The following TMEM223 variants were observed in gnomAD, a reference collection of about 807,000 sequenced individuals.
The protein encoded by TMEM223 is transmembrane protein 223.
Under a neutral mutation model 14.1 loss-of-function variants are expected in TMEM223, and 14 were observed. The ratio of observed to expected loss-of-function variants is 0.99; its 90% confidence interval spans 0.66 to 1.55. TMEM223 has a LOEUF of 1.55. TMEM223 is among the 40% of genes most tolerant of loss of function. The probability of loss-of-function intolerance (pLI) is 0.00; values close to 1 mark genes in which losing one functional copy is unlikely to be tolerated. For missense variants in TMEM223, 346 were observed against 269.9 expected (o/e 1.28, Z -1.97); for synonymous variants, 145 against 120.5 (o/e 1.20, Z -1.33).
chr11:62,787,070 A>G (rs1353150713), downstream of TMEM223: 3 of 1,529,702 alleles, frequency 2.0e-6, no homozygotes, highest in Non-Finnish European at 2.6e-6. Flanking sequence ...GACGTTTTCC[A>G]GAAGAGCCGT....
chr11:62,778,455 C>A, intron 1 of TMEM223: 1 of 1,267,198 alleles, frequency 7.9e-7, no homozygotes, highest in Non-Finnish European at 1.1e-6. Flanking sequence ...CTGCCTTGTG[C>A]CATGGTCTGA....
chr11:62,775,125 A>T (rs1177838897), intron 1 of TMEM223, among the ~76,000 whole-genome samples: 1 of 152,024 alleles, frequency 6.6e-6, no homozygotes, highest in Non-Finnish European at 1.5e-5. Context: ...TAACTGACTC[A>T]ATGCTGGGGA....
chr11:62,789,711 A>G, downstream of TMEM223: 1 of 1,525,982 alleles, frequency 6.6e-7, no homozygotes, highest in Non-Finnish European at 8.8e-7. Flanking sequence ...AAAAACTGAC[A>G]TAAATATCTG....
downstream of TMEM223, chr11:62,786,188 T>C (rs114892877): frequency 1.8e-3 from 2,787 of 1,545,862 alleles, 52 homozygotes; most frequent in African/African-American, 0.034. Flanking sequence ...GGTAGGTCTT[T>C]CATGGGAAAG....
At chr11:62,789,636 C>G, downstream of TMEM223, 1 of 1,551,082 alleles carries the variant, frequency 6.4e-7, no homozygotes, top group East Asian at 2.2e-5. Context: ...TGGACACCCC[C>G]TGGAACTGCT....
At chr11:62,779,865 C>T (rs1361890648) in intron 1 of TMEM223, among the ~76,000 whole-genome samples, 7 of 145,300 alleles carry the variant, frequency 4.8e-5, no homozygotes, top group Non-Finnish European at 1.1e-4. Flanking sequence ...GAGGTTTCAC[C>T]GTGTTGGCCA....
downstream of TMEM223, chr11:62,789,822 T>A (rs2084336979): frequency 6.4e-7 from 1 of 1,574,692 alleles, no homozygotes; most frequent in Non-Finnish European, 8.6e-7. Flanking sequence ...GAGTGGTGTG[T>A]GGGTGGGAAG....
At chr11:62,775,846 G>A (rs369124738) in intron 1 of TMEM223, 274 of 1,613,546 alleles carry the variant, frequency 1.7e-4, no homozygotes, top group Non-Finnish European at 2.2e-4. Context: ...GGCTCATGGC[G>A]GAGAGCACGG....
intron 1 of TMEM223, among the ~76,000 whole-genome samples, chr11:62,780,756 C>T (rs1322426399): frequency 3.4e-5 from 5 of 149,220 alleles, no homozygotes; most frequent in Non-Finnish European, 7.4e-5. Context: ...ATGGTGATTT[C>T]CCGTTGGATA....
chr11:62,781,229 C>G lies in TMEM223; in HGVS notation c.315-6564G>C, dbSNP rs573077930. ...CCAGCCTGGGCGACAGGGCGAGACT[C>G]CATCTCAAAGAAAAAAAAAAAAGAA... On this transcript the variant is annotated intron_variant, in intron 1 of 2. Coordinates refer to the TMEM223 transcript ENST00000528367. 4.3e-4 allele frequency among the ~76,000 whole-genome samples: 63 copies of G among 146,726 alleles called. 1 individual carries two copies. The highest frequency in any genetic ancestry group is 1.5e-3 in the African/African-American group (56 of 37,996).
chr11:62,786,478 C>G (rs1211729351), downstream of TMEM223: 1 of 1,581,220 alleles, frequency 6.3e-7, no homozygotes, highest in Non-Finnish European at 8.6e-7. Flanking sequence ...GCCCAGGTTC[C>G]TCGAATTTTT....
In TMEM223 at chr11:62,790,806, G is replaced by A. The variant is rs1474178459; in HGVS notation, c.426C>T (p.Gly142=). ...QVTLTTHAPF[G]LGAHFTVPLK... is the part of the protein sequence containing the mutation. ...AAGGAACTGTGAAATGGGCCCCCAA[G>A]CCAAAGGGGGCATGAGTGGTGAGGG... The change falls in exon 2 of 2, where the codon GGC becomes GGT. Residue 142 remains glycine, a synonymous_variant. Transcript: ENST00000307366. 1 of 1,606,128 alleles carries A rather than the reference G, an allele frequency of 6.2e-7. No individual in the cohort carries two copies. Among genetic ancestry groups the A allele is most frequent in the Admixed American group, 1.7e-5 (1 of 58,636 alleles).
At chr11:62,789,676 T>C (rs1590944049), downstream of TMEM223, 5 of 1,542,590 alleles carry the variant, frequency 3.2e-6, no homozygotes, top group Non-Finnish European at 4.4e-6. Context: ...TACACAATGC[T>C]GAAGTGAGAC....
At chr11:62,787,278 G>C, downstream of TMEM223, 2 of 1,549,660 alleles carry the variant, frequency 1.3e-6, no homozygotes, top group Non-Finnish European at 1.7e-6. Context: ...CGGACTACTC[G>C]CTGTACTTGC....
At chr11:62,778,900 C>T (rs763706378) in intron 1 of TMEM223, 34 of 1,614,000 alleles carry the variant, frequency 2.1e-5, no homozygotes, top group Non-Finnish European at 2.6e-5. Flanking sequence ...TGACAGATGA[C>T]CTTCTCAAGT....
At chr11:62,780,749 G>GCAAAACCCTGTC in intron 1 of TMEM223, among the ~76,000 whole-genome samples, 2 of 151,112 alleles carry the variant, frequency 1.3e-5, no homozygotes, top group South Asian at 2.1e-4. Context: ...GGCCAACATG[G>GCAAAACCCTGTC]TGATTTCCCG....
chr11:62,779,952 C>CTA (rs1225374367), intron 1 of TMEM223, among the ~76,000 whole-genome samples: 1,333 of 100,010 alleles, frequency 0.013, 67 homozygotes, highest in African/African-American at 0.055. Flanking sequence ...AGGCGTGAGC[C>CTA]TATATATATA....
Position 62,778,986 on chromosome 11 carries a change from G to C in TMEM223, c.315-4321C>G, listed in dbSNP as rs557550642. The C allele has an allele frequency of 3.7e-6, 6 of 1,603,440 alleles. No homozygotes were observed. In the African/African-American group the frequency reaches 5.4e-5, roughly 14 times the overall value. On this transcript the variant is annotated intron_variant, in intron 1 of 2. Transcript: ENST00000528367. ...AAGGTGAGCGAGTGGGCCCAAGTTG[G>C]GGCACAAAGTTGAAATTGTAAATTC...
chr11:62,787,436 C>T (rs753849686), downstream of TMEM223: 6 of 1,565,742 alleles, frequency 3.8e-6, no homozygotes, highest in South Asian at 3.4e-5. Context: ...GGCGCCATGG[C>T]GCTGTCCTGG....
Sources: gnomAD v4.1 joint callset for allele counts (sites outside exome capture counted in the v4.1 genomes callset) on GRCh38, gnomAD v4.1.1 for gene constraint, MANE v1.5 for transcripts, NCBI Gene and HGNC (gene_info 2026-07-23, HGNC 2026-07-21) for gene names.